The following COL6A3 variants were observed in gnomAD, a reference collection of about 807,000 sequenced individuals.
The protein encoded by COL6A3 is collagen alpha-3(VI) chain.
In COL6A3, 137 loss-of-function variants were observed where a neutral mutation model predicts 274.1. That is an observed-to-expected ratio of 0.50 (90% CI 0.44 to 0.58). COL6A3 has a LOEUF of 0.58. Ranked by LOEUF, COL6A3 falls within the 20% of genes least tolerant of loss-of-function variation. The pLI is 0.00. For missense variants in COL6A3, 3,950 were observed against 4,124.9 expected (o/e 0.96, Z 1.16); for synonymous variants, 1,650 against 1,650.6 (o/e 1.00, Z 0.01).
chr2:237,344,246 G>A lies in COL6A3; in HGVS notation c.7668+104C>T, dbSNP rs935643376. 2 of 1,564,076 alleles carry A rather than the reference G, an allele frequency of 1.3e-6. No homozygotes were observed. Among genetic ancestry groups the A allele is most frequent in the Admixed American group, 3.3e-5 (2 of 59,936 alleles). On this transcript the variant is annotated intron_variant, in intron 36 of 43. Coordinates refer to ENST00000295550, the MANE Select transcript of COL6A3 (RefSeq NM_004369.4). This position sits in a 1 kb window ranked among gnomAD's most constrained non-coding sequence, Gnocchi z 4.8. The stretch of plus-strand genomic sequence containing the variant: ...AGATGGCCTCATTGGGGACGTTTTA[G>A]GAGCTATGGGACATGAAGCCACAAA...
rs749452623 is a variant in COL6A3, at chr2:237,381,237, C to T, written c.1575G>A (p.Thr525=). 1.9e-5 allele frequency: 31 copies of T among 1,614,112 alleles called. No homozygotes were observed. The highest frequency in any genetic ancestry group is 1.6e-4 in the Middle Eastern group (1 of 6,084). ...MKPLDGSALY[T]GSALDFVRNN... is the part of the protein sequence containing the mutation. ...TACGAACAAAGTCTAGAGCAGAGCC[C>T]GTGTACAGGGCCGAGCCGTCCAGGG... The change falls in exon 5 of 44, where the codon ACG becomes ACA. Residue 525 remains threonine (T), a synonymous_variant. Coordinates refer to ENST00000295550, the MANE Select transcript of COL6A3 (RefSeq NM_004369.4).
intron 25 of COL6A3, 52 bp from the exon 26 acceptor site, chr2:237,352,636 A>G: frequency 6.5e-7 from 1 of 1,533,050 alleles, no homozygotes; most frequent in Non-Finnish European, 9.0e-7. Context: ...TTTCCATGAG[A>G]AGCCTCTGCA....
chr2:237,342,309 T>G (rs973963137), intron 36 of COL6A3, 148 bp from the exon 37 acceptor site: 1 of 710,408 alleles, frequency 1.4e-6, no homozygotes, highest in Non-Finnish European at 2.5e-6. Flanking sequence ...CATTTGGGGG[T>G]GGGGTTAGGC....
intron 9 of COL6A3, 65 bp from the exon 10 acceptor site, chr2:237,369,242 T>A: frequency 6.3e-7 from 1 of 1,579,616 alleles, no homozygotes; most frequent in Non-Finnish European, 8.6e-7. Context: ...AGGTTTGGTG[T>A]GCACCTTGCA....
At chr2:237,375,056 A>C (rs1292144844) in intron 7 of COL6A3, 36 bp from the exon 8 acceptor site, 1 of 1,611,352 alleles carries the variant, frequency 6.2e-7, no homozygotes, top group Non-Finnish European at 8.5e-7. Context: ...CACACAGGAC[A>C]TCAGAGCAGC....
intron 27 of COL6A3, among the ~76,000 whole-genome samples, chr2:237,350,425 G>A (rs1409385594): frequency 6.6e-6 from 1 of 152,176 alleles, no homozygotes; most frequent in Non-Finnish European, 1.5e-5. Flanking sequence ...GCGTGGCATG[G>A]GGGACGGGCT....
chr2:237,374,215 A>G lies in COL6A3; in HGVS notation c.3679+197T>C, dbSNP rs1465185404. On this transcript the variant is annotated intron_variant, in intron 8 of 43. Coordinates refer to ENST00000295550, the MANE Select transcript of COL6A3 (RefSeq NM_004369.4). The surrounding 1 kb of genome is among the most constrained non-coding windows in gnomAD (Gnocchi z 4.8). ...TTTGCCCCAAAACATGAATCTTAGC[A>G]TCTCCCCCCTTGAACCTCTGCCATT... is the stretch of plus-strand genomic sequence containing the variant. 1.3e-5 allele frequency among the ~76,000 whole-genome samples: 2 copies of G among 152,182 alleles called. No individual in the cohort carries two copies. The highest frequency in any genetic ancestry group is 6.5e-5 in the Admixed American group (1 of 15,286).
rs578085436 is a variant in COL6A3, at chr2:237,404,050, G to A, written c.-30-7203C>T. Among the ~76,000 whole-genome samples the A allele has an allele frequency of 2.6e-5, 4 of 151,690 alleles. No individual in the cohort carries two copies. The South Asian group carries it at 8.3e-4, about 32-fold the overall frequency. On this transcript the variant is annotated intron_variant, in intron 1 of 43. Coordinates refer to ENST00000295550, the MANE Select transcript of COL6A3 (RefSeq NM_004369.4). ...ATATACACTTCAGAATAATATAAAAGTACATTTTATATGTGCTATTCTTGA... is the reference window on the plus strand; with the variant it reads ...ATATACACTTCAGAATAATATAAAAATACATTTTATATGTGCTATTCTTGA...
rs557658361 is a variant in COL6A3, at chr2:237,387,343, C to T, written c.1312+239G>A. Among the ~76,000 whole-genome samples, 6 of 152,308 alleles carry T rather than the reference C, an allele frequency of 3.9e-5. No homozygotes were observed. In the South Asian group the frequency reaches 6.2e-4, roughly 16 times the overall value. On this transcript the variant is annotated intron_variant, in intron 4 of 43. Coordinates refer to ENST00000295550, the MANE Select transcript of COL6A3 (RefSeq NM_004369.4). ...GTTTGTTGAATTAGCCTTAAAAGCA[C>T]GCTTTCTCAGCAACTCATACTCTCG...
In COL6A3 at chr2:237,371,970, G is replaced by A. The variant is rs115893145; in HGVS notation, c.4047C>T (p.Asp1349=). The change falls in exon 9 of 44, where the codon GAC becomes GAT. Residue 1349 remains aspartate, a synonymous_variant. Coordinates refer to ENST00000295550, the MANE Select transcript of COL6A3 (RefSeq NM_004369.4). This position sits in a 1 kb window ranked among gnomAD's most constrained non-coding sequence, Gnocchi z 4.3. Reference sequence around the variant, plus strand: ...CCACCGCCGGGTCGTCCACCTCATCGTCAGACTTTCCAGACGAGATGAGGA... The same window carrying A: ...CCACCGCCGGGTCGTCCACCTCATCATCAGACTTTCCAGACGAGATGAGGA... The part of the protein sequence containing the change: ...FLVLISSGKS[D]DEVDDPAVEL... 591 of 1,614,110 alleles carry A rather than the reference G, an allele frequency of 3.7e-4. No individual in the cohort carries two copies. Among genetic ancestry groups the A allele is most frequent in the East Asian group, 8.2e-4 (37 of 44,870 alleles).
chr2:237,337,662 T>C (rs1384201829), intron 39 of COL6A3, among the ~76,000 whole-genome samples: 4 of 152,246 alleles, frequency 2.6e-5, no homozygotes, highest in South Asian at 4.1e-4. Flanking sequence ...CTCCAAAGCA[T>C]GACACACTGT....
At chr2:237,351,373 G>A (rs990068465) in intron 26 of COL6A3, among the ~76,000 whole-genome samples, 181 bp from the exon 27 acceptor site, 2 of 152,244 alleles carry the variant, frequency 1.3e-5, no homozygotes, top group African/African-American at 4.8e-5. Context: ...ATATAAACAT[G>A]CACAGAAATG....
intron 9 of COL6A3, 69 bp from the exon 10 acceptor site, chr2:237,369,246 C>A: frequency 1.3e-6 from 2 of 1,577,338 alleles, no homozygotes; most frequent in Non-Finnish European, 1.7e-6. Flanking sequence ...TTGGTGTGCA[C>A]CTTGCACCAT....
intron 38 of COL6A3, 118 bp downstream of exon 38, chr2:237,340,334 A>G: frequency 1.0e-6 from 1 of 970,850 alleles, no homozygotes. Context: ...ATGTCTGTTC[A>G]ATGAATGAAA....
chr2:237,337,356 T>C (rs918057079), intron 39 of COL6A3, among the ~76,000 whole-genome samples: 1 of 152,012 alleles, frequency 6.6e-6, no homozygotes, highest in African/African-American at 2.4e-5. Context: ...CCTAGAAAAA[T>C]GGAGGCTACA....
chr2:237,333,334 C>A (rs1020639787), intron 42 of COL6A3, 116 bp downstream of exon 42: 16 of 924,262 alleles, frequency 1.7e-5, no homozygotes, highest in African/African-American at 8.2e-5. Flanking sequence ...TGACGTGGAC[C>A]TTTTCCCCCA....
chr2:237,356,518 C>T (rs1447406150), intron 23 of COL6A3, among the ~76,000 whole-genome samples: 1 of 152,224 alleles, frequency 6.6e-6, no homozygotes, highest in African/African-American at 2.4e-5. Flanking sequence ...GCGAACTCTA[C>T]TGGCCCAAGT....
intron 31 of COL6A3, 22 bp downstream of exon 31, chr2:237,347,785 G>T: frequency 6.2e-7 from 1 of 1,604,590 alleles, no homozygotes; most frequent in Non-Finnish European, 8.5e-7. Context: ...CTCACCTGCA[G>T]CCAAGGCCCA....
chr2:237,378,297 ATC>A (rs917778108), intron 6 of COL6A3, among the ~76,000 whole-genome samples: 1 of 152,146 alleles, frequency 6.6e-6, no homozygotes, highest in Admixed American at 6.5e-5. Context: ...TGTAAGAAAA[ATC>A]TCTCTCTGTC....
Sources: gnomAD v4.1 joint callset for allele counts (sites outside exome capture counted in the v4.1 genomes callset) on GRCh38, gnomAD v4.1.1 for gene constraint, Gnocchi (gnomAD v3.1) non-coding constraint, MANE v1.5 for transcripts, NCBI Gene and HGNC (gene_info 2026-07-23, HGNC 2026-07-21) for gene names.